DOCK4: variants seen among roughly 807,000 people sequenced by gnomAD.
DOCK4 encodes dedicator of cytokinesis 4.
In DOCK4, 97 loss-of-function variants were observed where a neutral mutation model predicts 268.1. The ratio of observed to expected loss-of-function variants is 0.36; its 90% CI spans 0.31 to 0.43. The LOEUF (loss-of-function observed/expected upper bound fraction) is 0.43. DOCK4 is among the 20% of genes least tolerant of loss of function. DOCK4 has a pLI of 1.00. For synonymous variants in DOCK4, 954 were observed against 887.2 expected (o/e 1.08, Z -1.34); for missense variants, 2,145 against 2,455.7 (o/e 0.87, Z 2.67).
chr7:111,835,941 A>G (rs1803205313), intron 25 of DOCK4, among the ~76,000 whole-genome samples: 1 of 152,208 alleles, frequency 6.6e-6, no homozygotes, highest in Non-Finnish European at 1.5e-5. Context: ...AATTATCTAT[A>G]TACATTTTTT....
intron 1 of DOCK4, among the ~76,000 whole-genome samples, chr7:112,021,838 G>A (rs565351398): frequency 6.6e-6 from 1 of 152,110 alleles, no homozygotes; most frequent in African/African-American, 2.4e-5. Context: ...TCTTCGCCCT[G>A]CGCTTCCCTA....
chr7:111,753,015 G>GGGGGA (rs3055472), intron 42 of DOCK4, among the ~76,000 whole-genome samples: 1 of 130,188 alleles, frequency 7.7e-6, no homozygotes, highest in Non-Finnish European at 1.7e-5. Context: ...TGGGGGGGGG[G>GGGGGA]TCTGTGATTT....
At chr7:111,768,138 C>A (rs1216438246) in intron 37 of DOCK4, among the ~76,000 whole-genome samples, 1 of 152,104 alleles carries the variant, frequency 6.6e-6, no homozygotes, top group Admixed American at 6.6e-5. Flanking sequence ...TTTCTTTCAA[C>A]CATTTAAAAA....
intron 1 of DOCK4, among the ~76,000 whole-genome samples, chr7:112,134,952 T>A (rs1350060919): frequency 1.3e-5 from 2 of 152,188 alleles, no homozygotes; most frequent in Non-Finnish European, 2.9e-5. Context: ...AGTATTCACC[T>A]ATGATTGCTA....
At chr7:112,185,874 G>GA (rs141665083) in intron 1 of DOCK4, among the ~76,000 whole-genome samples, 3,196 of 152,356 alleles carry the variant, frequency 0.021, 62 homozygotes, top group Non-Finnish European at 0.033. Context: ...TGCCAGGTGG[G>GA]AAGGTGCCTG....
intron 8 of DOCK4, among the ~76,000 whole-genome samples, chr7:111,975,453 A>G (rs1427033975): frequency 6.6e-6 from 1 of 152,216 alleles, no homozygotes; most frequent in African/African-American, 2.4e-5. Flanking sequence ...CATATAAACA[A>G]ATATTATCTC....
chr7:112,018,031 T>C (rs1446991392), intron 1 of DOCK4, among the ~76,000 whole-genome samples: 2 of 149,690 alleles, frequency 1.3e-5, no homozygotes, highest in African/African-American at 2.5e-5. Context: ...CTAAAAAAAA[T>C]ACAAAAAATT....
chr7:111,962,426 G>C (rs1473103457), intron 8 of DOCK4, among the ~76,000 whole-genome samples: 4 of 152,056 alleles, frequency 2.6e-5, no homozygotes, highest in Non-Finnish European at 4.4e-5. Context: ...CTACTTATCA[G>C]ACAAGTTAAC....
intron 49 of DOCK4, 71 bp from the exon 50 acceptor site, chr7:111,737,060 G>A (rs776505417): frequency 1.1e-5 from 15 of 1,323,962 alleles, no homozygotes; most frequent in East Asian, 2.5e-5. Flanking sequence ...AAAATGAGAC[G>A]ATTATCTCCT....
chr7:112,000,514 A>T lies in DOCK4; in HGVS notation c.142T>A (p.Leu48Ile). 6.4e-7 allele frequency: 1 copy of T among 1,552,284 alleles called. No homozygotes were observed. Among genetic ancestry groups the T allele is most frequent in the Non-Finnish European group, 8.8e-7 (1 of 1,141,126 alleles). ...TTTACCTTGATATTTGGGTTTTTTA[A>T]GGCAAATCCTCTGTACCAGCCTGTG... ...KCDGWYRGFALKNPNIKGIFP... is the reference protein window; with the variant it reads ...KCDGWYRGFAIKNPNIKGIFP... The change falls in exon 3 of 53, where the codon TTA becomes ATA. Residue 48 changes from leucine (L) to isoleucine (I), a missense_variant. Physicochemically the swap from Leu to Ile is conservative, Grantham distance 5. Coordinates refer to ENST00000428084, the MANE Select transcript of DOCK4 (RefSeq NM_001363540.2).
chr7:111,821,269 C>G (rs899928859), intron 27 of DOCK4: 1 of 152,144 alleles, frequency 6.6e-6, no homozygotes, highest in African/African-American at 2.4e-5. Flanking sequence ...ACAGGGCGAC[C>G]GTGGCCTACA....
At chr7:112,202,955 T>G (rs918962067) in intron 1 of DOCK4, among the ~76,000 whole-genome samples, 1 of 152,176 alleles carries the variant, frequency 6.6e-6, no homozygotes, top group African/African-American at 2.4e-5. Context: ...TTTGCTTACC[T>G]CTGATCTTAC....
chr7:111,892,169 C>T (rs945366823), intron 16 of DOCK4, among the ~76,000 whole-genome samples: 6 of 152,102 alleles, frequency 3.9e-5, no homozygotes, highest in South Asian at 2.1e-4. Flanking sequence ...AATGTTCATC[C>T]GTATTTTTAA....
At chr7:112,061,881 A>G (rs545250163) in intron 1 of DOCK4, among the ~76,000 whole-genome samples, 1 of 152,298 alleles carries the variant, frequency 6.6e-6, no homozygotes, top group East Asian at 1.9e-4. Context: ...AAGTGATAAT[A>G]GCAGTGGTAA....
At chr7:112,111,851 G>A (rs1451270758) in intron 1 of DOCK4, among the ~76,000 whole-genome samples, 5 of 152,072 alleles carry the variant, frequency 3.3e-5, no homozygotes, top group Non-Finnish European at 7.4e-5. Flanking sequence ...AAATCCACAT[G>A]GGCCATTTCC....
At chr7:111,986,894 T>C (rs929998479) in intron 6 of DOCK4, among the ~76,000 whole-genome samples, 1 of 152,208 alleles carries the variant, frequency 6.6e-6, no homozygotes, top group African/African-American at 2.4e-5. Context: ...ACATTCTTAA[T>C]TTATGTTCAT....
intron 1 of DOCK4, among the ~76,000 whole-genome samples, chr7:112,024,363 T>C (rs570365537): frequency 1.3e-5 from 2 of 152,260 alleles, no homozygotes; most frequent in East Asian, 1.9e-4. Flanking sequence ...AATACCTCTA[T>C]GAAACCGAAC....
intron 27 of DOCK4, chr7:111,819,363 T>C (rs1261041062): frequency 6.6e-6 from 1 of 152,230 alleles, no homozygotes; most frequent in African/African-American, 2.4e-5. Context: ...CTTCCTTATG[T>C]TCCTTCTTTC....
intron 1 of DOCK4, among the ~76,000 whole-genome samples, chr7:112,128,265 G>A (rs1269427872): frequency 6.6e-6 from 1 of 151,784 alleles, no homozygotes; most frequent in African/African-American, 2.4e-5. Flanking sequence ...CCCTCTGCCC[G>A]GCCAGCCGCC....
Sources: gnomAD v4.1 joint callset for allele counts (sites outside exome capture counted in the v4.1 genomes callset) on GRCh38, gnomAD v4.1.1 for gene constraint, MANE v1.5 for transcripts, NCBI Gene and HGNC (gene_info 2026-07-23, HGNC 2026-07-21) for gene names.